The following ARMC2 variants were observed in gnomAD, a reference collection of about 807,000 sequenced individuals.
The protein encoded by ARMC2 is armadillo repeat containing 2, also known as armadillo repeat-containing protein 2.
In ARMC2, 67 loss-of-function variants were observed where a neutral mutation model predicts 90.3. The ratio of observed to expected loss-of-function variants is 0.74; its 90% CI spans 0.61 to 0.91. The LOEUF is 0.91. Ranked by LOEUF, ARMC2 falls within the 40% of genes least tolerant of loss-of-function variation. The pLI, the probability that ARMC2 is intolerant of heterozygous loss-of-function variation, is 0.00. For synonymous variants in ARMC2, 393 were observed against 393.0 expected, an observed-to-expected ratio of 1.00 and a Z score of 0.00; for missense variants, 920 against 1,030.9, an observed-to-expected ratio of 0.89 and a Z score of 1.47.
At chr6:108,951,220 T>C (rs1777155292) in intron 12 of ARMC2, among the ~76,000 whole-genome samples, 1 of 152,216 alleles carries the variant, frequency 6.6e-6, no homozygotes, top group African/African-American at 2.4e-5. Flanking sequence ...TTTGCCGTTT[T>C]AGTCTTTGCC....
chr6:108,859,499 TTC>T (rs1774993780), intron 3 of ARMC2, among the ~76,000 whole-genome samples: 1 of 152,170 alleles, frequency 6.6e-6, no homozygotes, highest in Non-Finnish European at 1.5e-5. Context: ...TGTAGGATGT[TTC>T]TCTTTGTTTC....
At chr6:109,050,900 T>C in the ARMC2 span, among the ~76,000 whole-genome samples, 2 of 152,202 alleles carry the variant, frequency 1.3e-5, no homozygotes, top group African/African-American at 4.8e-5. Flanking sequence ...ACACAGCTTC[T>C]ACTGCTTAGG....
At position 108,923,375 on chromosome 6, in the gene ARMC2, G is replaced by A. The variant is rs75297234; in HGVS notation, c.1351-4713G>A. 6.0e-3 allele frequency among the ~76,000 whole-genome samples: 907 copies of A among 152,192 alleles called. 11 individuals are homozygous for A. Among genetic ancestry groups the A allele is most frequent in the African/African-American group, 0.021 (872 of 41,548 alleles). Reference sequence around the variant, plus strand: ...GCTTTGGTTAACTCCTGCTTTGGGGGAGGGCCCAGTGGGTGGGCTTTTCTT... The same window carrying A: ...GCTTTGGTTAACTCCTGCTTTGGGGAAGGGCCCAGTGGGTGGGCTTTTCTT... On this transcript the variant is annotated intron_variant, in intron 10 of 17. Transcript: ENST00000392644.
chr6:108,956,960 C>T (rs951936559), intron 13 of ARMC2, among the ~76,000 whole-genome samples: 1 of 152,218 alleles, frequency 6.6e-6, no homozygotes, highest in Non-Finnish European at 1.5e-5. Flanking sequence ...CTGTTGCACT[C>T]CAGCATGGGC....
chr6:109,042,649 A>C, the ARMC2 span, among the ~76,000 whole-genome samples: 1 of 152,040 alleles, frequency 6.6e-6, no homozygotes, highest in South Asian at 2.1e-4. Context: ...TAACTCCATA[A>C]CTCACCTACT....
the ARMC2 span, among the ~76,000 whole-genome samples, chr6:109,045,820 C>T: frequency 6.6e-6 from 1 of 152,262 alleles, no homozygotes; most frequent in Non-Finnish European, 1.5e-5. Context: ...AGACCTTTGC[C>T]TTATCTGTTT....
At chr6:109,006,958 AACTGCC>A in the ARMC2 span, among the ~76,000 whole-genome samples, 2 of 152,230 alleles carry the variant, frequency 1.3e-5, no homozygotes, top group African/African-American at 4.8e-5. Context: ...TAGGAGACAG[AACTGCC>A]ACCAACAAAT....
intron 12 of ARMC2, among the ~76,000 whole-genome samples, chr6:108,940,054 C>T (rs1379702264): frequency 6.6e-6 from 1 of 152,186 alleles, no homozygotes; most frequent in African/African-American, 2.4e-5. Flanking sequence ...TTGCTACCTC[C>T]ACCTTTGGTA....
intron 4 of ARMC2, among the ~76,000 whole-genome samples, chr6:108,873,650 CTG>C (rs1776655656): frequency 6.6e-6 from 1 of 152,236 alleles, no homozygotes; most frequent in Admixed American, 6.5e-5. Context: ...CCTTCTAAAA[CTG>C]GGGCCCTGCC....
chr6:108,854,981 T>C (rs1774397497), intron 2 of ARMC2, among the ~76,000 whole-genome samples: 1 of 152,268 alleles, frequency 6.6e-6, no homozygotes, highest in South Asian at 2.1e-4. Flanking sequence ...ATAGTTGGAA[T>C]ATACAGTATG....
At chr6:109,035,855 G>T in the ARMC2 span, among the ~76,000 whole-genome samples, 1 of 152,142 alleles carries the variant, frequency 6.6e-6, no homozygotes, top group South Asian at 2.1e-4. Flanking sequence ...TGATCCTCCT[G>T]CCTCAGCCTC....
intron 5 of ARMC2, among the ~76,000 whole-genome samples, chr6:108,893,623 G>A (rs1771313936): frequency 6.6e-6 from 1 of 152,212 alleles, no homozygotes; most frequent in East Asian, 1.9e-4. Flanking sequence ...AAAGTAAACT[G>A]GATTTTTTGT....
rs547174136 is a variant in ARMC2 at position 108,932,301 on chromosome 6, A to C, written c.1496+4068A>C. ...ATTTGCTTTTAGTGTCTTTGTCATG[A>C]AATCTTTGCCCGTTCCTATGTCCAG... On this transcript the variant is annotated intron_variant, in intron 11 of 17. Transcript: ENST00000392644. Among the ~76,000 whole-genome samples the C allele has an allele frequency of 1.8e-4, 27 of 151,800 alleles. No homozygotes were observed. The East Asian group carries it at 5.0e-3, about 28-fold the overall frequency.
At chr6:108,937,113 A>T in intron 12 of ARMC2, 114 bp downstream of exon 12, 1 of 926,046 alleles carries the variant, frequency 1.1e-6, no homozygotes. Context: ...AGAAACTTCC[A>T]TTAAATGTAT....
At chr6:108,937,046 G>C in intron 12 of ARMC2, 47 bp downstream of exon 12, 1 of 1,421,172 alleles carries the variant, frequency 7.0e-7, no homozygotes, top group South Asian at 1.2e-5. Context: ...TTACACTAAT[G>C]TGTTTGTGTA....
In ARMC2 at chr6:108,973,405, A is replaced by T; in HGVS notation, c.2495A>T (p.Tyr832Phe). 6.2e-7 allele frequency: 1 copy of T among 1,613,888 alleles called. No homozygotes were observed. Among genetic ancestry groups the T allele is most frequent in the Non-Finnish European group, 8.5e-7 (1 of 1,179,776 alleles). Residue 832 changes from tyrosine (Y) to phenylalanine (F), a missense_variant, in exon 18 of 18, where the codon TAT (tyrosine) becomes TTT (phenylalanine). Transcript: ENST00000392644. ...AGTTTTGATCCAGACCTAAAAAACT[A>T]TCACAAACTCCATTGGGAAACAGAA... ...DGSFDPDLKNYHKLHWETEFK... is the reference protein window; with the variant it reads ...DGSFDPDLKNFHKLHWETEFK...
At chr6:108,964,067 CAG>C in intron 15 of ARMC2, 111 bp from the exon 16 acceptor site, 1 of 1,163,420 alleles carries the variant, frequency 8.6e-7, no homozygotes, top group Non-Finnish European at 1.2e-6. Context: ...AGTCCCTTAA[CAG>C]GGGTTCTGGG....
chr6:108,969,173 C>T (rs1376248470), intron 17 of ARMC2, among the ~76,000 whole-genome samples: 3 of 152,168 alleles, frequency 2.0e-5, no homozygotes, highest in Non-Finnish European at 4.4e-5. Flanking sequence ...CGGGGCCCCA[C>T]GTTCAAGTTG....
chr6:108,943,299 C>T (rs1776585088), intron 12 of ARMC2, among the ~76,000 whole-genome samples: 1 of 152,052 alleles, frequency 6.6e-6, no homozygotes, highest in African/African-American at 2.4e-5. Flanking sequence ...AGTCCATCGA[C>T]AGGAGGGGTT....
Sources: gnomAD v4.1 joint callset for allele counts (sites outside exome capture counted in the v4.1 genomes callset) on GRCh38, gnomAD v4.1.1 for gene constraint, MANE v1.5 for transcripts, NCBI Gene and HGNC (gene_info 2026-07-23, HGNC 2026-07-21) for gene names.